The following THSD4 variants were observed in gnomAD, a reference collection of about 807,000 sequenced individuals.
THSD4 encodes thrombospondin type 1 domain containing 4, also known as thrombospondin type-1 domain-containing protein 4.
THSD4 carries 69 observed loss-of-function variants against 119.0 expected under a neutral mutation model. That is an observed-to-expected ratio of 0.58 (90% CI 0.48 to 0.71). The LOEUF (loss-of-function observed/expected upper bound fraction) is 0.71. Ranked by LOEUF, THSD4 falls within the 30% of genes least tolerant of loss-of-function variation. THSD4 has a pLI of 0.00. For missense variants in THSD4, 1,393 were observed against 1,391.1 expected, an observed-to-expected ratio of 1.00 and a Z score of -0.02; for synonymous variants, 524 against 540.4, an observed-to-expected ratio of 0.97 and a Z score of 0.42.
rs889798998 is a variant in THSD4 at position 71,561,903 on chromosome 15, C to T, written c.1153-98627C>T. ...ACACACACACACACACACACACACA[C>T]ACACACACACACACACAAACACTCA... On this transcript the variant is annotated intron_variant, in intron 7 of 17. Coordinates refer to ENST00000261862, the MANE Select transcript of THSD4 (RefSeq NM_024817.3). 1.8e-4 allele frequency among the ~76,000 whole-genome samples: 10 copies of T among 56,056 alleles called. No homozygotes were observed. In the East Asian group the frequency reaches 2.2e-3, roughly 12 times the overall value. 36.8% of individuals were successfully genotyped at this position (56,056 alleles called of 152,430 possible). A position where few individuals can be genotyped will look rare whatever the true frequency, so the allele number is the denominator to read the frequency against.
intron 7 of THSD4, among the ~76,000 whole-genome samples, chr15:71,457,374 C>T (rs1241839150): frequency 3.4e-5 from 3 of 88,370 alleles, no homozygotes; most frequent in Admixed American, 1.5e-4. Context: ...AGTGAGATCT[C>T]GCCTCAAAAA....
intron 7 of THSD4, among the ~76,000 whole-genome samples, chr15:71,540,890 T>A (rs1437872828): frequency 6.6e-6 from 1 of 152,028 alleles, no homozygotes; most frequent in Admixed American, 6.6e-5. Context: ...ACTCAGCTAA[T>A]GTTCGTAATT....
chr15:71,528,852 G>A (rs1241194531), intron 7 of THSD4, among the ~76,000 whole-genome samples: 2 of 152,330 alleles, frequency 1.3e-5, no homozygotes, highest in East Asian at 3.9e-4. Context: ...GTAAGTCTGA[G>A]CTATCCATGA....
intron 7 of THSD4, among the ~76,000 whole-genome samples, chr15:71,502,988 G>C (rs1042450730): frequency 2.6e-5 from 4 of 152,182 alleles, no homozygotes; most frequent in Non-Finnish European, 5.9e-5. Context: ...AGTGTAAGTT[G>C]AATGAACTTA....
chr15:71,573,907 A>G (rs916464017), intron 7 of THSD4, among the ~76,000 whole-genome samples: 1 of 152,230 alleles, frequency 6.6e-6, no homozygotes, highest in African/African-American at 2.4e-5. Context: ...AGGACAAGCA[A>G]GGATTCTAAT....
At chr15:71,257,747 G>A (rs1266429851) in intron 6 of THSD4, among the ~76,000 whole-genome samples, 1 of 152,122 alleles carries the variant, frequency 6.6e-6, no homozygotes, top group Admixed American at 6.5e-5. Flanking sequence ...ATGCTAAATT[G>A]TTTTTATCTG....
intron 7 of THSD4, among the ~76,000 whole-genome samples, chr15:71,544,302 G>T (rs2048804448): frequency 6.6e-6 from 1 of 152,138 alleles, no homozygotes; most frequent in Non-Finnish European, 1.5e-5. Context: ...TAAGACTGTT[G>T]TCATGGTTAC....
intron 6 of THSD4, among the ~76,000 whole-genome samples, chr15:71,406,224 C>G (rs1347364468): frequency 2.0e-5 from 3 of 151,906 alleles, no homozygotes; most frequent in African/African-American, 7.3e-5. Flanking sequence ...AGAGAACATA[C>G]TTTTCATTAT....
At chr15:71,674,718 A>G (rs1245355129) in intron 8 of THSD4, among the ~76,000 whole-genome samples, 1 of 151,990 alleles carries the variant, frequency 6.6e-6, no homozygotes, top group Non-Finnish European at 1.5e-5. Context: ...CTCCCCATAC[A>G]TTTGGCAATG....
At chr15:71,735,544 C>T (rs924056558) in intron 10 of THSD4, among the ~76,000 whole-genome samples, 1 of 151,902 alleles carries the variant, frequency 6.6e-6, no homozygotes. Context: ...CTCTTTTGCT[C>T]TCTCTTTATT....
At chr15:71,764,914 T>C (rs1319371756) in intron 15 of THSD4, 106 bp from the exon 16 acceptor site, 3 of 1,383,244 alleles carry the variant, frequency 2.2e-6, no homozygotes, top group East Asian at 4.7e-5. Flanking sequence ...CCTCCTAGAA[T>C]TGGTGGTAGA....
chr15:71,488,708 T>A (rs1475926888), intron 7 of THSD4, among the ~76,000 whole-genome samples: 2 of 152,226 alleles, frequency 1.3e-5, no homozygotes, highest in Non-Finnish European at 2.9e-5. Context: ...AGCTAAATAG[T>A]CTTTTATGAT....
intron 1 of THSD4, among the ~76,000 whole-genome samples, chr15:71,110,047 A>G (rs1161030995): frequency 1.6e-4 from 25 of 152,234 alleles, no homozygotes; most frequent in Admixed American, 1.6e-3. Flanking sequence ...AGGTGACAGC[A>G]ATTTCAAGCA....
intron 15 of THSD4, among the ~76,000 whole-genome samples, chr15:71,764,650 C>T (rs768765617): frequency 6.6e-6 from 1 of 152,250 alleles, no homozygotes; most frequent in Non-Finnish European, 1.5e-5. Context: ...AGTTCATTGT[C>T]TTGCCTCCTG....
intron 6 of THSD4, among the ~76,000 whole-genome samples, chr15:71,391,887 C>A (rs1419050675): frequency 2.0e-5 from 3 of 152,066 alleles, no homozygotes; most frequent in African/African-American, 4.8e-5. Flanking sequence ...TTTGCAAGAA[C>A]CATACAGAGG....
intron 7 of THSD4, among the ~76,000 whole-genome samples, chr15:71,520,476 T>A (rs929809211): frequency 2.0e-5 from 3 of 152,202 alleles, no homozygotes; most frequent in African/African-American, 7.2e-5. Flanking sequence ...TTAGGCAGCT[T>A]GTGGGGCAAG....
intron 6 of THSD4, among the ~76,000 whole-genome samples, chr15:71,346,973 A>G (rs1325372615): frequency 6.9e-6 from 1 of 144,526 alleles, no homozygotes; most frequent in Non-Finnish European, 1.5e-5. Context: ...TCCTGGGTTC[A>G]AGCAATTCTC....
intron 3 of THSD4, among the ~76,000 whole-genome samples, chr15:71,189,587 G>A (rs1345668849): frequency 2.6e-5 from 4 of 151,904 alleles, no homozygotes; most frequent in Admixed American, 6.6e-5. Context: ...GGAGAATGGC[G>A]TGAACCCGGG....
chr15:71,629,773 A>G (rs546294266), intron 7 of THSD4, among the ~76,000 whole-genome samples: 7 of 152,108 alleles, frequency 4.6e-5, no homozygotes, highest in Non-Finnish European at 8.8e-5. Context: ...CCCAAATCAA[A>G]TCCATCCTAT....
Sources: allele counts gnomAD v4.1 joint callset (sites outside exome capture counted in the v4.1 genomes callset), GRCh38; gene constraint gnomAD v4.1.1; transcripts MANE v1.5; gene names NCBI Gene and HGNC (gene_info 2026-07-23, HGNC 2026-07-21).